The following SYTL3 variants were observed in gnomAD, a reference collection of about 807,000 sequenced individuals.
SYTL3 encodes synaptotagmin like 3.
Under a neutral mutation model 82.1 loss-of-function variants are expected in SYTL3, and 88 were observed. The observed-to-expected ratio is 1.07, with a 90% CI of 0.90 to 1.28. SYTL3 has a LOEUF of 1.28. SYTL3 is among the 50% of genes most tolerant of loss of function. SYTL3 has a pLI of 0.00. For synonymous variants in SYTL3, 311 were observed against 289.4 expected, an observed-to-expected ratio of 1.07 and a Z score of -0.76; for missense variants, 831 against 757.6, an observed-to-expected ratio of 1.10 and a Z score of -1.14.
intron 10 of SYTL3, among the ~76,000 whole-genome samples, chr6:158,722,762 G>GGTTTTTTTTT (rs1784256992): frequency 1.2e-5 from 1 of 80,896 alleles, no homozygotes; most frequent in Non-Finnish European, 2.3e-5. Context: ...TCTCTTTTCT[G>GGTTTTTTTTT]TTTTTTTTTT....
intron 2 of SYTL3, among the ~76,000 whole-genome samples, chr6:158,656,855 C>T (rs1788738896): frequency 6.6e-6 from 1 of 152,182 alleles, no homozygotes; most frequent in Non-Finnish European, 1.5e-5. Context: ...ATAGATTTCA[C>T]AGAATTCCTT....
intron 10 of SYTL3, among the ~76,000 whole-genome samples, chr6:158,718,509 A>G (rs1358750238): frequency 6.6e-6 from 1 of 152,192 alleles, no homozygotes; most frequent in Non-Finnish European, 1.5e-5. Context: ...AGCCTGCGCC[A>G]AAGCCCAAGG....
chr6:158,754,452 G>A (rs1788805807), intron 13 of SYTL3, among the ~76,000 whole-genome samples: 1 of 152,240 alleles, frequency 6.6e-6, no homozygotes, highest in Non-Finnish European at 1.5e-5. Context: ...TGGGTGTGGT[G>A]GCTCACGCCT....
rs1430383691 is a variant in SYTL3, at chr6:158,725,527, A to G, written c.745A>G (p.Lys249Glu). The G allele has an allele frequency of 1.2e-6, 2 of 1,614,212 alleles. No individual in the cohort carries two copies. The highest frequency in any genetic ancestry group is 2.7e-5 in the African/African-American group (2 of 75,060). ...TRKVSAPDIL[K>E]PLNQEDPKCS... is the part of the protein sequence containing the mutation. ...GAAGGTCAGTGCACCAGATATTCTG[A>G]AACCTCTCAATCAAGAGGATCCCAA... is the stretch of plus-strand genomic sequence containing the variant. Residue 249 changes from lysine to glutamate, a missense_variant, in exon 11 of 18, where the codon AAA becomes GAA. Physicochemically the swap from Lys to Glu is moderately conservative, Grantham distance 56 (BLOSUM62 1). Transcript: ENST00000611299.
At chr6:158,691,725 C>T (rs1000236218) in intron 6 of SYTL3, among the ~76,000 whole-genome samples, 1 of 151,346 alleles carries the variant, frequency 6.6e-6, no homozygotes, top group Non-Finnish European at 1.5e-5. Flanking sequence ...GATCTCGGCT[C>T]TCTGCAAGCT....
chr6:158,703,126 C>A lies in SYTL3; in HGVS notation c.395-4104C>A, dbSNP rs1422333244. Among the ~76,000 whole-genome samples, 3 of 144,812 alleles carry A rather than the reference C, an allele frequency of 2.1e-5. 1 individual carries two copies. Among genetic ancestry groups the A allele is most frequent in the East Asian group, 2.0e-4 (1 of 4,888 alleles). ...CCAAGATCGTGCCACTGTACTCCAGCCTGGGCGACAGAGCAAGACTCTGTC... is the reference window on the plus strand; with the variant it reads ...CCAAGATCGTGCCACTGTACTCCAGACTGGGCGACAGAGCAAGACTCTGTC... On this transcript the variant is annotated intron_variant, in intron 6 of 17. Coordinates refer to ENST00000611299, the MANE Select transcript of SYTL3 (RefSeq NM_001242394.2).
chr6:158,742,169 A>C (rs901073869), intron 11 of SYTL3, among the ~76,000 whole-genome samples: 1 of 152,122 alleles, frequency 6.6e-6, no homozygotes, highest in African/African-American at 2.4e-5. Context: ...CAAATAATCC[A>C]TTATTAGCAA....
chr6:158,723,233 T>G (rs1206564388), intron 10 of SYTL3, among the ~76,000 whole-genome samples: 5 of 151,658 alleles, frequency 3.3e-5, no homozygotes. Flanking sequence ...TAGCTAGGAC[T>G]ACAGGCACGT....
At chr6:158,700,581 AAAAT>A (rs1781078874) in intron 6 of SYTL3, among the ~76,000 whole-genome samples, 1 of 40,674 alleles carries the variant, frequency 2.5e-5, no homozygotes, top group Non-Finnish European at 5.9e-5. Flanking sequence ...TGCTATTGTT[AAAAT>A]AGTGTTGGTT....
At chr6:158,736,222 G>T (rs1421442940) in intron 11 of SYTL3, among the ~76,000 whole-genome samples, 1 of 151,836 alleles carries the variant, frequency 6.6e-6, no homozygotes, top group Admixed American at 6.6e-5. Context: ...GTTGTGGCGG[G>T]TGCCTGTAAT....
intron 8 of SYTL3, among the ~76,000 whole-genome samples, chr6:158,709,145 A>G (rs1782463446): frequency 6.6e-6 from 1 of 152,124 alleles, no homozygotes; most frequent in South Asian, 2.1e-4. Flanking sequence ...AGGCAGGAGA[A>G]TTGCTTGAGC....
chr6:158,699,837 A>G (rs1201292153), intron 6 of SYTL3, among the ~76,000 whole-genome samples: 1 of 151,414 alleles, frequency 6.6e-6, no homozygotes, highest in Admixed American at 6.6e-5. Flanking sequence ...TATCCCAGCT[A>G]CTCCGAGCCT....
intron 10 of SYTL3, among the ~76,000 whole-genome samples, 187 bp downstream of exon 10, chr6:158,718,398 T>C (rs919534576): frequency 4.6e-5 from 7 of 152,230 alleles, no homozygotes; most frequent in African/African-American, 9.6e-5. Context: ...AGGTCAGGAT[T>C]GAAGGTCAGT....
intron 6 of SYTL3, among the ~76,000 whole-genome samples, chr6:158,698,492 A>G (rs907240971): frequency 1.3e-5 from 2 of 152,024 alleles, no homozygotes; most frequent in African/African-American, 2.4e-5. Flanking sequence ...TTTTAGGTCA[A>G]ACTTTTAGAG....
At chr6:158,645,735 C>A (rs1435137893), upstream of SYTL3, among the ~76,000 whole-genome samples, 3 of 152,150 alleles carry the variant, frequency 2.0e-5, no homozygotes, top group Non-Finnish European at 2.9e-5. Context: ...TAGAGCCCTT[C>A]AAGAGGAACC....
chr6:158,648,378 T>G (rs1328334364), upstream of SYTL3, among the ~76,000 whole-genome samples: 1 of 151,884 alleles, frequency 6.6e-6, no homozygotes, highest in Non-Finnish European at 1.5e-5. Flanking sequence ...GATCACGAGG[T>G]CAGGAGATCG....
rs16889065 is a variant in SYTL3, at chr6:158,722,628, A to G, written c.721-2875A>G. Among the ~76,000 whole-genome samples the G allele has an allele frequency of 2.1e-3, 313 of 152,256 alleles. 3 individuals carry two copies. The highest frequency in any genetic ancestry group is 6.7e-3 in the African/African-American group (277 of 41,532). ...TTTATTGTATATGTTATGAATGTAC[A>G]GTATTGACCTATATTGGCCATAAAA... On this transcript the variant is annotated intron_variant, in intron 10 of 17. Coordinates refer to ENST00000611299, the MANE Select transcript of SYTL3 (RefSeq NM_001242394.2).
chr6:158,755,402 C>T (rs1388844237), intron 13 of SYTL3, among the ~76,000 whole-genome samples: 1 of 152,142 alleles, frequency 6.6e-6, no homozygotes, highest in East Asian at 1.9e-4. Flanking sequence ...TACCCAAAGG[C>T]AGGAGAAAAG....
At chr6:158,749,688 A>G (rs1047292252) in intron 12 of SYTL3, among the ~76,000 whole-genome samples, 1 of 151,806 alleles carries the variant, frequency 6.6e-6, no homozygotes, top group Non-Finnish European at 1.5e-5. Context: ...AGGTCCCACT[A>G]TGTTGCCCAA....
Sources: gnomAD v4.1 joint callset for allele counts (sites outside exome capture counted in the v4.1 genomes callset) on GRCh38, gnomAD v4.1.1 for gene constraint, MANE v1.5 for transcripts, NCBI Gene and HGNC (gene_info 2026-07-23, HGNC 2026-07-21) for gene names.